The following CD2AP variants were observed in gnomAD, a reference collection of about 807,000 sequenced individuals.
The protein encoded by CD2AP is CD2 associated protein.
In CD2AP, 46 loss-of-function variants were observed where a neutral mutation model predicts 85.1. The observed-to-expected ratio is 0.54, with a 90% CI of 0.43 to 0.69. CD2AP has a LOEUF of 0.69. Among genes scored for constraint, CD2AP ranks in the 30% least tolerant of loss-of-function variants. CD2AP has a pLI of 0.00. For missense variants in CD2AP, 769 were observed against 729.5 expected (o/e 1.05, Z -0.62); for synonymous variants, 255 against 252.9 (o/e 1.01, Z -0.08).
At chr6:47,601,132 A>T (rs1165810017) in intron 13 of CD2AP, among the ~76,000 whole-genome samples, 1 of 151,894 alleles carries the variant, frequency 6.6e-6, no homozygotes, top group African/African-American at 2.4e-5. Context: ...TATTTCTAGT[A>T]AAAATAATAT....
chr6:47,616,883 C>T (rs1319804526), intron 17 of CD2AP, among the ~76,000 whole-genome samples: 2 of 152,180 alleles, frequency 1.3e-5, no homozygotes, highest in African/African-American at 4.8e-5. Context: ...ACCATTGCCA[C>T]CCTGTCAAAG....
Position 47,556,937 on chromosome 6 carries a change from G to A in CD2AP, c.541+2171G>A, listed in dbSNP as rs1056443575. ...AATGGTTGAACTAATTTACACTCCC[G>A]TGAACAGTGTACAGGTGTTCCCATT... On this transcript the variant is annotated intron_variant, in intron 5 of 17. Transcript: ENST00000359314. 1.2e-4 allele frequency among the ~76,000 whole-genome samples: 19 copies of A among 152,190 alleles called. No homozygotes were observed. In the East Asian group the frequency reaches 2.1e-3, roughly 17 times the overall value.
intron 11 of CD2AP, among the ~76,000 whole-genome samples, chr6:47,591,883 A>G (rs966888324): frequency 1.1e-4 from 16 of 152,126 alleles, no homozygotes; most frequent in African/African-American, 3.9e-4. Context: ...GCTGGAGTGC[A>G]GTGATGTCAT....
At chr6:47,559,988 G>A (rs1324773883) in intron 5 of CD2AP, among the ~76,000 whole-genome samples, 1 of 152,122 alleles carries the variant, frequency 6.6e-6, no homozygotes, top group Admixed American at 6.5e-5. Context: ...GGACTTCTAA[G>A]AATTTGGGCT....
At chr6:47,590,853 G>T (rs1768773606) in intron 11 of CD2AP, among the ~76,000 whole-genome samples, 1 of 151,980 alleles carries the variant, frequency 6.6e-6, no homozygotes, top group South Asian at 2.1e-4. Flanking sequence ...GAATACTATG[G>T]AATCCAACCT....
chr6:47,594,280 C>T (rs1768877454), intron 11 of CD2AP, among the ~76,000 whole-genome samples: 1 of 151,942 alleles, frequency 6.6e-6, no homozygotes, highest in South Asian at 2.1e-4. Flanking sequence ...GTAAATGTCA[C>T]CTCAACTAAA....
At chr6:47,564,733 C>G (rs1384285805) in intron 5 of CD2AP, among the ~76,000 whole-genome samples, 1 of 152,034 alleles carries the variant, frequency 6.6e-6, no homozygotes, top group African/African-American at 2.4e-5. Context: ...TTAAAATTTT[C>G]CTGTGTCCTA....
chr6:47,503,506 T>C (rs935991276), intron 2 of CD2AP, 66 bp downstream of exon 2: 8 of 1,317,226 alleles, frequency 6.1e-6, no homozygotes, highest in Non-Finnish European at 8.7e-6. Context: ...TGTTAAGAAA[T>C]AGATATACTT....
chr6:47,570,944 C>T (rs1241580986), intron 5 of CD2AP, among the ~76,000 whole-genome samples: 1 of 152,064 alleles, frequency 6.6e-6, no homozygotes, highest in Non-Finnish European at 1.5e-5. Context: ...TTTTTGATAT[C>T]TAGCCATCTA....
intron 3 of CD2AP, among the ~76,000 whole-genome samples, chr6:47,534,953 T>A (rs1562020518): frequency 6.6e-6 from 1 of 152,026 alleles, no homozygotes; most frequent in Non-Finnish European, 1.5e-5. Flanking sequence ...TGCCACCACG[T>A]CTGCTAATTT....
At chr6:47,536,346 T>G (rs146345336) in intron 3 of CD2AP, among the ~76,000 whole-genome samples, 439 of 152,200 alleles carry the variant, frequency 2.9e-3, no homozygotes, top group African/African-American at 9.5e-3. Context: ...GTACTATTAA[T>G]ATTAATTTAA....
chr6:47,522,185 A>G (rs892356738), intron 2 of CD2AP, among the ~76,000 whole-genome samples: 1 of 152,188 alleles, frequency 6.6e-6, no homozygotes, highest in Non-Finnish European at 1.5e-5. Context: ...TAGAAGGTGC[A>G]TTTGGTAGTG....
intron 1 of CD2AP, among the ~76,000 whole-genome samples, chr6:47,492,451 C>T (rs1377692168): frequency 1.4e-5 from 2 of 141,198 alleles, no homozygotes; most frequent in African/African-American, 5.3e-5. Flanking sequence ...CTCCTGGGTT[C>T]AAGTGATCCT....
chr6:47,601,142 T>C (rs764744388), intron 13 of CD2AP, among the ~76,000 whole-genome samples: 3 of 151,896 alleles, frequency 2.0e-5, no homozygotes, highest in Non-Finnish European at 1.5e-5. Flanking sequence ...AAAAATAATA[T>C]ATGTAATAAT....
chr6:47,490,093 A>G (rs1298343434), intron 1 of CD2AP, among the ~76,000 whole-genome samples: 1 of 150,744 alleles, frequency 6.6e-6, no homozygotes, highest in Non-Finnish European at 1.5e-5. Context: ...CTTCCACCTT[A>G]GTCTCCTGAG....
At chr6:47,513,901 G>T (rs1184043116) in intron 2 of CD2AP, among the ~76,000 whole-genome samples, 5 of 144,408 alleles carry the variant, frequency 3.5e-5, no homozygotes, top group African/African-American at 5.2e-5. Context: ...TTGGGGGGGG[G>T]GCTAGCCTTA....
chr6:47,606,309 A>G (rs763307283), intron 14 of CD2AP, 32 bp downstream of exon 14: 9 of 1,218,162 alleles, frequency 7.4e-6, no homozygotes, highest in South Asian at 7.2e-5. Flanking sequence ...AAACTACAGT[A>G]TATTTAGCAA....
intron 1 of CD2AP, among the ~76,000 whole-genome samples, chr6:47,482,806 T>A (rs34746412): frequency 0.03 from 4,572 of 152,314 alleles, 86 homozygotes; most frequent in African/African-American, 0.041. Context: ...AATTCAGATC[T>A]GTCAGAGAAT....
Position 47,507,397 on chromosome 6 carries a change from G to A in CD2AP, c.165+3957G>A, listed in dbSNP as rs567329801. Among the ~76,000 whole-genome samples, 123 of 152,200 alleles carry A rather than the reference G, an allele frequency of 8.1e-4. 1 individual carries two copies. The highest frequency in any genetic ancestry group is 1.2e-3 in the Non-Finnish European group (83 of 67,998). ...GAATGGTGACTCTAGAAACCTTTCC[G>A]GGAGGTTTTCAATTTACTTTGCCCA... On this transcript the variant is annotated intron_variant, in intron 2 of 17. Transcript: ENST00000359314.
Sources: gnomAD v4.1 joint callset for allele counts (sites outside exome capture counted in the v4.1 genomes callset) on GRCh38, gnomAD v4.1.1 for gene constraint, MANE v1.5 for transcripts, NCBI Gene and HGNC (gene_info 2026-07-23, HGNC 2026-07-21) for gene names.